Variants in ZFYVE26 observed in about 807,000 individuals in gnomAD.
ZFYVE26 encodes the protein zinc finger FYVE domain-containing protein 26.
Under a neutral mutation model 276.5 loss-of-function variants are expected in ZFYVE26, and 181 were observed. That is an observed-to-expected ratio of 0.65 (90% confidence interval 0.58 to 0.74). ZFYVE26 has a LOEUF of 0.74. ZFYVE26 is among the 30% of genes least tolerant of loss of function. The pLI, the probability that ZFYVE26 is intolerant of heterozygous loss-of-function variation, is 0.00. For synonymous variants in ZFYVE26, 1,129 were observed against 1,203.1 expected (o/e 0.94, Z 1.27); for missense variants, 2,821 against 3,097.9 (o/e 0.91, Z 2.12).
In ZFYVE26 at chr14:67,761,474, G is replaced by C. The variant is rs2038926434; in HGVS notation, c.6480C>G (p.Tyr2160Ter). 1 of 1,614,196 alleles carries C rather than the reference G, an allele frequency of 6.2e-7. No individual in the cohort carries two copies. Among genetic ancestry groups the C allele is most frequent in the Non-Finnish European group, 8.5e-7 (1 of 1,180,022 alleles). The stretch of plus-strand genomic sequence containing the variant: ...TGTGCAGGTAGAAGAGGCATTCCTG[G>C]TAGTAGGTGTTGTTCATGATTTTCC... ...PEGKIMNNTY[Y>*]QECLFYLHNY... The change falls in exon 35 of 42, where the codon TAC (tyrosine) becomes TAG (stop). Residue 2160 changes from tyrosine (Y) to a stop codon, truncating the protein, a stop_gained. Coordinates refer to ENST00000347230, the MANE Select transcript of ZFYVE26 (RefSeq NM_015346.4). LOFTEE classifies it high-confidence loss of function.
At chr14:67,777,048 T>G (rs2039363541) in intron 25 of ZFYVE26, among the ~76,000 whole-genome samples, 1 of 152,228 alleles carries the variant, frequency 6.6e-6, no homozygotes, top group Non-Finnish European at 1.5e-5. Context: ...CCTAATTACA[T>G]AGACAACTAA....
intron 3 of ZFYVE26, among the ~76,000 whole-genome samples, chr14:67,812,212 AACCT>A (rs1252630349): frequency 6.6e-6 from 1 of 152,164 alleles, no homozygotes. Context: ...TCCATTTATT[AACCT>A]GTCCTATACT....
chr14:67,753,484 G>C (rs1019817519), intron 39 of ZFYVE26, among the ~76,000 whole-genome samples: 20 of 152,150 alleles, frequency 1.3e-4, no homozygotes, highest in Non-Finnish European at 1.5e-5. Context: ...GTATTTATTT[G>C]GTAGCTTTTG....
chr14:67,743,360 G>A (rs2038441632), downstream of ZFYVE26, among the ~76,000 whole-genome samples: 1 of 151,938 alleles, frequency 6.6e-6, no homozygotes. Flanking sequence ...GCCTTGTTGT[G>A]CACACCTGTA....
At chr14:67,814,633 AAAT>A (rs1329372754) in intron 2 of ZFYVE26, among the ~76,000 whole-genome samples, 1 of 152,248 alleles carries the variant, frequency 6.6e-6, no homozygotes, top group African/African-American at 2.4e-5. Context: ...GTTTAAAATA[AAAT>A]AATATTCGAG....
intron 35 of ZFYVE26, chr14:67,760,834 G>A: frequency 5.3e-6 from 1 of 190,008 alleles, no homozygotes; most frequent in Non-Finnish European, 1.1e-5. Context: ...CTTCCAGTGG[G>A]AGGGGGGCAG....
chr14:67,777,859 T>C, intron 24 of ZFYVE26, 124 bp from the exon 25 acceptor site: 1 of 356,774 alleles, frequency 2.8e-6, no homozygotes, highest in Non-Finnish European at 4.3e-6. Flanking sequence ...TCTATACTCC[T>C]TTTTTTTTTT....
At chr14:67,816,168 T>C in intron 1 of ZFYVE26, 122 bp from the exon 2 acceptor site, 1 of 551,388 alleles carries the variant, frequency 1.8e-6, no homozygotes, top group Non-Finnish European at 3.2e-6. Flanking sequence ...TCAGTTTAAT[T>C]TCCCACGTTA....
rs575761401 is a variant in ZFYVE26 at position 67,801,952 on chromosome 14, C to G, written c.1639+127G>C. ...GAGGCTGACAGATGGATGAAACTAT[C>G]CCTGGGTGAAATAAAACCAAGGCCA... On this transcript the variant is annotated intron_variant, in intron 10 of 41. Transcript: ENST00000347230. 3 of 1,031,216 alleles carry G rather than the reference C, an allele frequency of 2.9e-6. No homozygotes were observed. In the African/African-American group the frequency reaches 4.7e-5, roughly 16 times the overall value. The allele number at this position is 1,031,216 out of a possible 1,614,324, so 63.9% of individuals were successfully genotyped here. A position where few individuals can be genotyped will look rare whatever the true frequency, so the allele number is the denominator to read the frequency against.
intron 35 of ZFYVE26, chr14:67,760,857 GA>G (rs1325256115): frequency 9.9e-6 from 2 of 201,662 alleles, no homozygotes; most frequent in Admixed American, 5.2e-5. Context: ...GATGGGAGAA[GA>G]AAAAAAGGAG....
In ZFYVE26 at chr14:67,783,158, G is replaced by A. The variant is rs1330980651; in HGVS notation, c.3994C>T (p.Pro1332Ser). ...GASPRLKVSKPSLSWKELRGR... is the reference protein window; with the variant it reads ...GASPRLKVSKSSLSWKELRGR... The stretch of plus-strand genomic sequence containing the variant: ...CGAAGTTCCTTCCATGACAAGCTGG[G>A]TTTGCTGACCTTTAACCTCGGGGAA... Residue 1332 changes from proline (P) to serine (S), a missense_variant, in exon 21 of 42, where the codon CCC (proline) becomes TCC (serine). Physicochemically the swap from Pro to Ser is moderately conservative, Grantham distance 74 (BLOSUM62 -1). Transcript: ENST00000347230. 4.4e-6 allele frequency: 7 copies of A among 1,607,986 alleles called. No individual in the cohort carries two copies. Among genetic ancestry groups the A allele is most frequent in the Non-Finnish European group, 6.0e-6 (7 of 1,175,768 alleles).
In ZFYVE26 at chr14:67,775,077, A is replaced by C; in HGVS notation, c.5259T>G (p.Ala1753=). ...ATCTAGGGAGGGTCTCGGGATCTGCAGCCTGGTGGACAATTTCTTGGAGGT... is the reference window on the plus strand; with the variant it reads ...ATCTAGGGAGGGTCTCGGGATCTGCCGCCTGGTGGACAATTTCTTGGAGGT... ...VIHLQEIVHQ[A]ADPETLPRSP... is the part of the protein sequence containing the mutation. Residue 1753 remains alanine (A), a synonymous_variant, in exon 27 of 42, where the codon GCT becomes GCG. Coordinates refer to ENST00000347230, the MANE Select transcript of ZFYVE26 (RefSeq NM_015346.4). 1 of 1,612,244 alleles carries C rather than the reference A, an allele frequency of 6.2e-7. No homozygotes were observed. Among genetic ancestry groups the C allele is most frequent in the Non-Finnish European group, 8.5e-7 (1 of 1,179,486 alleles).
chr14:67,802,155 G>T lies in ZFYVE26; in HGVS notation c.1563C>A (p.Cys521Ter). 1 of 1,614,114 alleles carries T rather than the reference G, an allele frequency of 6.2e-7. No individual in the cohort carries two copies. Among genetic ancestry groups the T allele is most frequent in the Non-Finnish European group, 8.5e-7 (1 of 1,180,040 alleles). Residue 521 changes from cysteine (C) to a stop codon, truncating the protein, a stop_gained, in exon 10 of 42, where the codon TGC becomes TGA. Coordinates refer to ENST00000347230, the MANE Select transcript of ZFYVE26 (RefSeq NM_015346.4). LOFTEE classifies it high-confidence loss of function. ...LCVNSHQHSQ[C>*]QDCKDSLSED... is the part of the protein sequence containing the mutation. Reference sequence around the variant, plus strand: ...CAGAGAGGCTGTCTTTGCAGTCCTGGCACTGGGAGTGCTGGTGTGAGTTTA... The same window carrying T: ...CAGAGAGGCTGTCTTTGCAGTCCTGTCACTGGGAGTGCTGGTGTGAGTTTA...
chr14:67,802,055 C>T, intron 10 of ZFYVE26, 24 bp downstream of exon 10: 1 of 1,611,928 alleles, frequency 6.2e-7, no homozygotes, highest in Non-Finnish European at 8.5e-7. Context: ...CAGCTTATCT[C>T]ACGGATGGAG....
chr14:67,816,195 T>C (rs1448895383), intron 1 of ZFYVE26, 149 bp from the exon 2 acceptor site: 1 of 530,642 alleles, frequency 1.9e-6, no homozygotes, highest in African/African-American at 1.9e-5. Context: ...GAAAACACTT[T>C]CTTCAAGGGG....
At chr14:67,774,729 A>G (rs779021868) in intron 27 of ZFYVE26, among the ~76,000 whole-genome samples, 1 of 152,204 alleles carries the variant, frequency 6.6e-6, no homozygotes, top group Non-Finnish European at 1.5e-5. Context: ...ATTACCAACT[A>G]TGTGAGATAC....
rs775176106 is a variant in ZFYVE26, at chr14:67,782,868, C to A, written c.4284G>T (p.Arg1428=). The A allele has an allele frequency of 3.1e-6, 5 of 1,614,068 alleles. No individual in the cohort carries two copies. In the South Asian group the frequency reaches 5.5e-5, roughly 18 times the overall value. Residue 1428 remains arginine, a synonymous_variant, in exon 21 of 42, where the codon CGG becomes CGT. Transcript: ENST00000347230. ...CGTACACTTCAGTGAGCTGAAGGGC[C>A]CGGGACCAATCTCTGGCCACCAAGG... ...EESLVARDWS[R]ALQLTEVYGR...
intron 28 of ZFYVE26, among the ~76,000 whole-genome samples, chr14:67,771,059 T>G (rs1474336316): frequency 1.3e-5 from 2 of 152,122 alleles, no homozygotes; most frequent in Non-Finnish European, 2.9e-5. Context: ...GTGTACAGAT[T>G]ATTTTGTCAC....
chr14:67,799,424 G>A, intron 10 of ZFYVE26: 1 of 1,612,578 alleles, frequency 6.2e-7, no homozygotes, highest in South Asian at 1.1e-5. Context: ...GGCCAAAGAA[G>A]CAGAAACGAG....
Sources: gnomAD v4.1 joint callset for allele counts (sites outside exome capture counted in the v4.1 genomes callset) on GRCh38, gnomAD v4.1.1 for gene constraint, MANE v1.5 for transcripts, NCBI Gene and HGNC (gene_info 2026-07-23, HGNC 2026-07-21) for gene names.